Variants in MSR1 observed in about 807,000 individuals in gnomAD.
The protein encoded by MSR1 is macrophage scavenger receptor 1.
Under a neutral mutation model 47.2 loss-of-function variants are expected in MSR1, and 53 were observed. That is an observed-to-expected ratio of 1.12 (90% confidence interval 0.90 to 1.41). The LOEUF (loss-of-function observed/expected upper bound fraction) is 1.41, where lower values mean the gene tolerates loss of function less well. Among genes scored for constraint, MSR1 ranks in the 40% most tolerant of loss-of-function variants. MSR1 has a pLI of 0.00. For missense variants in MSR1, 786 were observed against 546.9 expected (o/e 1.44, Z -4.36); for synonymous variants, 239 against 185.6 (o/e 1.29, Z -2.34).
At chr8:16,145,547 A>G (rs1403639961) in intron 7 of MSR1, among the ~76,000 whole-genome samples, 2 of 152,172 alleles carry the variant, frequency 1.3e-5, no homozygotes, top group African/African-American at 4.8e-5. Context: ...ATTTCAGAAT[A>G]GACATGCTTA....
chr8:16,116,588 T>C (rs1183749444), intron 9 of MSR1, among the ~76,000 whole-genome samples: 2 of 151,372 alleles, frequency 1.3e-5, no homozygotes, highest in African/African-American at 4.8e-5. Context: ...ATTCCTTATT[T>C]AAGTTTAAAA....
At chr8:16,137,440 C>T (rs1002007173) in intron 8 of MSR1, among the ~76,000 whole-genome samples, 2 of 150,064 alleles carry the variant, frequency 1.3e-5, no homozygotes, top group East Asian at 2.0e-4. Flanking sequence ...CTTTCTCTCT[C>T]TCTATCTATC....
chr8:16,122,913 C>T (rs756454375), intron 8 of MSR1, among the ~76,000 whole-genome samples: 15 of 141,586 alleles, frequency 1.1e-4, no homozygotes, highest in Non-Finnish European at 2.1e-4. Context: ...GGCGCGATCT[C>T]GGCTCACTGC....
chr8:16,140,576 G>C (rs1800528815), intron 8 of MSR1: 1 of 1,061,164 alleles, frequency 9.4e-7, no homozygotes, highest in African/African-American at 1.7e-5. Flanking sequence ...TGTATGGTAG[G>C]AATCGCTTTG....
At chr8:16,190,868 T>G (rs1456153713) in intron 1 of MSR1, among the ~76,000 whole-genome samples, 1 of 152,012 alleles carries the variant, frequency 6.6e-6, no homozygotes, top group East Asian at 1.9e-4. Flanking sequence ...ATTACAAGCA[T>G]GCACCACCAC....
chr8:16,139,222 C>T, intron 8 of MSR1: 2 of 971,022 alleles, frequency 2.1e-6, no homozygotes, highest in Non-Finnish European at 2.4e-6. Flanking sequence ...TTTCATTTTG[C>T]TTTCACTCCT....
At chr8:16,149,890 A>T (rs1258727689) in intron 7 of MSR1, among the ~76,000 whole-genome samples, 1 of 151,342 alleles carries the variant, frequency 6.6e-6, no homozygotes. Context: ...ATTGTTAGTG[A>T]TGATTTATGA....
intron 1 of MSR1, among the ~76,000 whole-genome samples, chr8:16,183,073 C>T (rs1801882670): frequency 6.6e-6 from 1 of 152,044 alleles, no homozygotes; most frequent in Non-Finnish European, 1.5e-5. Flanking sequence ...TCTTATGGGA[C>T]CACCATCATA....
At chr8:16,148,255 C>G (rs1241927715) in intron 7 of MSR1, among the ~76,000 whole-genome samples, 1 of 151,980 alleles carries the variant, frequency 6.6e-6, no homozygotes, top group Non-Finnish European at 1.5e-5. Context: ...GTATCCAGCT[C>G]CTTAAGAAAA....
chr8:16,142,792 C>G (rs1375687666), intron 8 of MSR1, among the ~76,000 whole-genome samples: 1 of 152,124 alleles, frequency 6.6e-6, no homozygotes, highest in Admixed American at 6.5e-5. Flanking sequence ...CATGGACACA[C>G]AGACACACAC....
At chr8:16,132,014 A>C (rs1276628065) in intron 8 of MSR1, among the ~76,000 whole-genome samples, 15 of 150,270 alleles carry the variant, frequency 1.0e-4, no homozygotes, top group African/African-American at 3.7e-4. Context: ...TTTTTTTCTA[A>C]TTACGTGAAG....
At chr8:16,162,296 T>C (rs1464563622) in intron 5 of MSR1, among the ~76,000 whole-genome samples, 1 of 151,992 alleles carries the variant, frequency 6.6e-6, no homozygotes, top group Non-Finnish European at 1.5e-5. Context: ...AGTGTGTATA[T>C]AGTAAAACAA....
chr8:16,134,176 A>C (rs1474921947), intron 8 of MSR1, among the ~76,000 whole-genome samples: 2 of 152,074 alleles, frequency 1.3e-5, no homozygotes, highest in African/African-American at 4.8e-5. Context: ...TTTCATCATA[A>C]ATTTCATGTG....
chr8:16,174,381 T>C (rs1199718072), intron 3 of MSR1, among the ~76,000 whole-genome samples: 3 of 152,182 alleles, frequency 2.0e-5, no homozygotes, highest in African/African-American at 4.8e-5. Flanking sequence ...ATAAGGCATA[T>C]AAATTCAAAT....
intron 9 of MSR1, among the ~76,000 whole-genome samples, chr8:16,120,110 G>A (rs35324254): frequency 0.019 from 2,844 of 151,882 alleles, 82 homozygotes; most frequent in African/African-American, 0.065. Context: ...AAGCGCGGTG[G>A]CTCTCGCCTG....
intron 8 of MSR1, among the ~76,000 whole-genome samples, chr8:16,137,753 G>A (rs1800427253): frequency 6.6e-6 from 1 of 152,232 alleles, no homozygotes; most frequent in South Asian, 2.1e-4. Context: ...AAGATTTTGG[G>A]AGGTTGAGGC....
intron 8 of MSR1, among the ~76,000 whole-genome samples, chr8:16,129,848 G>A (rs180996713): frequency 6.6e-5 from 10 of 152,254 alleles, no homozygotes; most frequent in African/African-American, 2.4e-4. Flanking sequence ...TACAAGTCCA[G>A]TGCTTGAATT....
chr8:16,124,623 C>G (rs1800088007), intron 8 of MSR1, among the ~76,000 whole-genome samples: 1 of 152,148 alleles, frequency 6.6e-6, no homozygotes, highest in African/African-American at 2.4e-5. Context: ...CCCACTTCCC[C>G]TCTCATTTCT....
At position 16,108,184 on chromosome 8, in the gene MSR1, T is replaced by C. The variant is rs1011902596; in HGVS notation, c.*1901A>G. The C allele has an allele frequency of 4.7e-5, 7 of 147,804 alleles. No individual in the cohort carries two copies. Among genetic ancestry groups the C allele is most frequent in the Non-Finnish European group, 7.4e-5 (5 of 67,224 alleles). 9.2% of individuals were successfully genotyped at this position (147,804 alleles called of 1,614,324 possible). A position where few individuals can be genotyped will look rare whatever the true frequency, so the allele number is the denominator to read the frequency against. ...AACAGTGTCATAGTACTAGTACTAG[T>C]AATAGTACTAGTAATAGCAATAGTA... On this transcript the variant is annotated 3_prime_UTR_variant, in exon 10 of 10. Transcript: ENST00000262101.
Sources: gnomAD v4.1 joint callset for allele counts (sites outside exome capture counted in the v4.1 genomes callset) on GRCh38, gnomAD v4.1.1 for gene constraint, MANE v1.5 for transcripts, NCBI Gene and HGNC (gene_info 2026-07-23, HGNC 2026-07-21) for gene names.